The following TBC1D7 variants were observed in gnomAD, a reference collection of about 807,000 sequenced individuals.
TBC1D7 encodes the protein TBC1 domain family member 7.
A neutral mutation model predicts 35.3 loss-of-function variants in TBC1D7; 33 were observed. The ratio of observed to expected loss-of-function variants is 0.93; its 90% CI spans 0.71 to 1.25. The LOEUF is 1.25. Ranked by LOEUF, TBC1D7 falls within the 50% of genes most tolerant of loss-of-function variation. The pLI, the probability that TBC1D7 is intolerant of heterozygous loss-of-function variation, is 0.00. For missense variants in TBC1D7, 362 were observed against 365.3 expected, an observed-to-expected ratio of 0.99 and a Z score of 0.07; for synonymous variants, 135 against 129.5, an observed-to-expected ratio of 1.04 and a Z score of -0.29.
chr6:13,325,367 T>G (rs1784335563), intron 2 of TBC1D7, among the ~76,000 whole-genome samples, 193 bp from the exon 3 acceptor site: 1 of 152,172 alleles, frequency 6.6e-6, no homozygotes, highest in Admixed American at 6.5e-5. Flanking sequence ...CTAAGTTATT[T>G]AAAAACAATT....
chr6:13,323,585 T>A lies in TBC1D7; in HGVS notation c.193+1509A>T, dbSNP rs532664773. 2.0e-5 allele frequency: 3 copies of A among 152,302 alleles called. No homozygotes were observed. In the East Asian group the frequency reaches 5.8e-4, roughly 29 times the overall value. The allele number at this position is 152,302 out of a possible 1,614,324, so 9.4% of individuals were successfully genotyped here. A position where few individuals can be genotyped will look rare whatever the true frequency, so the allele number is the denominator to read the frequency against. On this transcript the variant is annotated intron_variant, in intron 3 of 7. Coordinates refer to ENST00000379300, the MANE Select transcript of TBC1D7 (RefSeq NM_016495.6). Reference sequence around the variant, plus strand: ...AACAGTAACATTTAAAGAAAAGTGCTCTGGGAAAAACTAAAATAGTTGTCA... The same window carrying A: ...AACAGTAACATTTAAAGAAAAGTGCACTGGGAAAAACTAAAATAGTTGTCA...
chr6:13,324,181 G>A (rs1247394624), intron 3 of TBC1D7, among the ~76,000 whole-genome samples: 5 of 151,690 alleles, frequency 3.3e-5, no homozygotes, highest in Admixed American at 2.6e-4. Context: ...AGGCTGGAGT[G>A]CAGTGGTGCC....
intron 5 of TBC1D7, among the ~76,000 whole-genome samples, chr6:13,311,492 T>C (rs1783208302): frequency 6.6e-6 from 1 of 152,236 alleles, no homozygotes; most frequent in Admixed American, 6.5e-5. Flanking sequence ...ACCTAAACTG[T>C]GTGTTATAAG....
chr6:13,321,974 C>T (rs1397115871), intron 3 of TBC1D7, among the ~76,000 whole-genome samples: 1 of 152,202 alleles, frequency 6.6e-6, no homozygotes, highest in Non-Finnish European at 1.5e-5. Context: ...TGGTGGCTAA[C>T]GCCTATAATC....
At chr6:13,311,970 T>C (rs1400533536) in intron 5 of TBC1D7, among the ~76,000 whole-genome samples, 1 of 151,526 alleles carries the variant, frequency 6.6e-6, no homozygotes, top group African/African-American at 2.4e-5. Context: ...TGTATTTATA[T>C]ATATATACAC....
chr6:13,314,201 T>C (rs1232418347), intron 5 of TBC1D7, among the ~76,000 whole-genome samples: 1 of 130,202 alleles, frequency 7.7e-6, no homozygotes, highest in African/African-American at 2.9e-5. Flanking sequence ...CGAGACTCCA[T>C]CTCAAAAAAA....
Position 13,306,814 on chromosome 6 carries a change from C to T in TBC1D7, c.666-287G>A, listed in dbSNP as rs3800484. The T allele has an allele frequency of 0.13, 25,260 of 199,720 alleles. 1,917 individuals carry two copies. The highest frequency in any genetic ancestry group is 0.34 in the East Asian group (2,792 of 8,292). The allele number at this position is 199,720 out of a possible 1,614,324, so 12.4% of individuals were successfully genotyped here. ...CCCTCATGTTGTGAACCTGACATTT[C>T]TGAGGAAGAAAAAGAAAATCCTAAA... On this transcript the variant is annotated intron_variant, in intron 6 of 7. Coordinates refer to ENST00000379300, the MANE Select transcript of TBC1D7 (RefSeq NM_016495.6).
rs1783989669 is a variant in TBC1D7 at position 13,320,891 on chromosome 6, C to G, written c.381+17G>C. 6.2e-7 allele frequency: 1 copy of G among 1,612,748 alleles called. No individual in the cohort carries two copies. The highest frequency in any genetic ancestry group is 8.5e-7 in the Non-Finnish European group (1 of 1,179,182). On this transcript the variant is annotated intron_variant, in intron 4 of 7. Coordinates refer to ENST00000379300, the MANE Select transcript of TBC1D7 (RefSeq NM_016495.6). The stretch of plus-strand genomic sequence containing the variant: ...GTCTAGAGTTGAGCTTAGTGTCAGA[C>G]AAAAGTGACCACTAACCAGTGGAAA...
intron 5 of TBC1D7, 83 bp downstream of exon 5, chr6:13,316,488 C>T: frequency 7.0e-7 from 1 of 1,421,356 alleles, no homozygotes; most frequent in Non-Finnish European, 9.6e-7. Flanking sequence ...ATTGCAGCAG[C>T]CCCAGGAGGT....
chr6:13,317,628 G>C (rs1783728359), intron 4 of TBC1D7, among the ~76,000 whole-genome samples: 2 of 152,164 alleles, frequency 1.3e-5, no homozygotes, highest in Non-Finnish European at 2.9e-5. Context: ...TTATTAATGT[G>C]TCAAAGGAGA....
At chr6:13,324,873 A>G (rs551922680) in intron 3 of TBC1D7, among the ~76,000 whole-genome samples, 4 of 152,288 alleles carry the variant, frequency 2.6e-5, no homozygotes, top group African/African-American at 4.8e-5. Flanking sequence ...TCCTACTCCA[A>G]TGCTCTTCCC....
intron 3 of TBC1D7, among the ~76,000 whole-genome samples, chr6:13,324,110 A>G (rs1784242094): frequency 6.6e-6 from 1 of 151,358 alleles, no homozygotes; most frequent in South Asian, 2.1e-4. Flanking sequence ...AACAAACTGT[A>G]AGTTTTTTTT....
chr6:13,322,780 G>C (rs1784131521), intron 3 of TBC1D7, among the ~76,000 whole-genome samples: 1 of 152,192 alleles, frequency 6.6e-6, no homozygotes, highest in African/African-American at 2.4e-5. Flanking sequence ...ACACACTAAA[G>C]TGTCTCCTAC....
chr6:13,308,662 A>G (rs1378277029), intron 5 of TBC1D7, among the ~76,000 whole-genome samples: 2 of 136,522 alleles, frequency 1.5e-5, no homozygotes, highest in African/African-American at 5.5e-5. Flanking sequence ...GCATCACTTA[A>G]GCAAATGTAA....
At chr6:13,327,227 T>A (rs1231564215) in intron 1 of TBC1D7, among the ~76,000 whole-genome samples, 1 of 152,140 alleles carries the variant, frequency 6.6e-6, no homozygotes, top group Non-Finnish European at 1.5e-5. Flanking sequence ...GTAGCTATTA[T>A]AAATGCGCAA....
chr6:13,320,745 G>C (rs781239051), intron 4 of TBC1D7, 163 bp downstream of exon 4: 1 of 763,760 alleles, frequency 1.3e-6, no homozygotes, highest in Non-Finnish European at 2.3e-6. Flanking sequence ...GGTTGGGTCA[G>C]AATGTGCATG....
At chr6:13,315,127 CAGTCCTGGTCACTAACAT>C (rs1280052291) in intron 5 of TBC1D7, among the ~76,000 whole-genome samples, 1 of 152,162 alleles carries the variant, frequency 6.6e-6, no homozygotes, top group Non-Finnish European at 1.5e-5. Flanking sequence ...CCAAGTGACA[CAGTCCTGGTCACTAACAT>C]ATAGTTGACC....
intron 1 of TBC1D7, chr6:13,327,713 C>A (rs1784492294): frequency 6.6e-6 from 1 of 152,174 alleles, no homozygotes; most frequent in Admixed American, 6.5e-5. Flanking sequence ...TCTCAAGTTC[C>A]TTCACAGTAA....
At chr6:13,308,973 T>C (rs1783001917) in intron 5 of TBC1D7, among the ~76,000 whole-genome samples, 1 of 152,230 alleles carries the variant, frequency 6.6e-6, no homozygotes, top group Non-Finnish European at 1.5e-5. Context: ...AGGTGACATT[T>C]GAGCTGACCT....
Sources: allele counts gnomAD v4.1 joint callset (sites outside exome capture counted in the v4.1 genomes callset), GRCh38; gene constraint gnomAD v4.1.1; transcripts MANE v1.5; gene names NCBI Gene and HGNC (gene_info 2026-07-23, HGNC 2026-07-21).